The following MAP3K13 variants were observed in gnomAD, a reference collection of about 807,000 sequenced individuals.
MAP3K13 encodes the protein mitogen-activated protein kinase kinase kinase 13.
In MAP3K13, 52 loss-of-function variants were observed where a neutral mutation model predicts 104.0. That is an observed-to-expected ratio of 0.50 (90% confidence interval 0.40 to 0.63). The LOEUF is 0.63. Among genes scored for constraint, MAP3K13 ranks in the 20% least tolerant of loss-of-function variants. The probability of loss-of-function intolerance (pLI) is 0.00; values close to 1 mark genes in which losing one functional copy is unlikely to be tolerated. For synonymous variants in MAP3K13, 394 were observed against 442.2 expected (o/e 0.89, Z 1.37); for missense variants, 914 against 1,218.5 (o/e 0.75, Z 3.72).
intron 2 of MAP3K13, among the ~76,000 whole-genome samples, chr3:185,353,643 A>G (rs149821988): frequency 1.8e-3 from 271 of 152,318 alleles, no homozygotes; most frequent in African/African-American, 6.2e-3. Context: ...TATAAGGCTC[A>G]TTTTAAAACT....
chr3:185,442,189 T>TA lies in MAP3K13; in HGVS notation c.660-1241dup, dbSNP rs35886405. On this transcript the variant is annotated intron_variant, in intron 3 of 13. Transcript: ENST00000265026. ...TGGATGACAGAGCGAGACTCTTTCT[T>TA]AAAAAAAAAAAAAAAGTGTATATTT... Among the ~76,000 whole-genome samples the TA allele has an allele frequency of 4.0e-3, 586 of 144,742 alleles. 4 individuals are homozygous for TA. The highest frequency in any genetic ancestry group is 0.013 in the African/African-American group (499 of 39,712). 95.0% of individuals were successfully genotyped at this position (144,742 alleles called of 152,430 possible).
chr3:185,455,047 TGAGATATATGTGAGATATATATGA>T, intron 7 of MAP3K13, among the ~76,000 whole-genome samples: 1 of 91,292 alleles, frequency 1.1e-5, no homozygotes, highest in East Asian at 3.5e-4. Context: ...GATATATATA[TGAGATATATGTGAGATATATATGA>T]GATATATGTG....
rs536880254 is a variant in MAP3K13, at chr3:185,345,073, G to A, written c.-86+59430G>A. Among the ~76,000 whole-genome samples the A allele has an allele frequency of 2.0e-5, 3 of 152,222 alleles. No homozygotes were observed. In the South Asian group the frequency reaches 6.2e-4, roughly 32 times the overall value. On this transcript the variant is annotated intron_variant, in intron 2 of 14. Coordinates refer to the MAP3K13 transcript ENST00000424227. ...AGACAGGGTTTCACTATGTTGGCCA[G>A]GCTGGTCTTGAACTCCTGACCTCAG...
Position 185,393,756 on chromosome 3 carries a change from C to A in MAP3K13, c.-86+30388C>A, listed in dbSNP as rs147029324. Among the ~76,000 whole-genome samples, 61 of 152,138 alleles carry A rather than the reference C, an allele frequency of 4.0e-4. 3 individuals are homozygous for A. Among genetic ancestry groups the A allele is most frequent in the Non-Finnish European group, 2.2e-4 (15 of 68,002 alleles). On this transcript the variant is annotated intron_variant, in intron 1 of 13. Coordinates refer to ENST00000265026, the MANE Select transcript of MAP3K13 (RefSeq NM_004721.5). ...ACAGGTGTGAGCCACCGCGCCCAGCCGTAAATATCTTAAAAACAAGGAAAG... is the reference window on the plus strand; with the variant it reads ...ACAGGTGTGAGCCACCGCGCCCAGCAGTAAATATCTTAAAAACAAGGAAAG...
rs564511732 is a variant in MAP3K13 at position 185,434,621 on chromosome 3, G to A, written c.476-2826G>A. ...AGGATACATGATATGTGAAAAAGTAGAAAAAATTAGACATCACCTGCCATT... is the reference window on the plus strand; with the variant it reads ...AGGATACATGATATGTGAAAAAGTAAAAAAAATTAGACATCACCTGCCATT... On this transcript the variant is annotated intron_variant, in intron 2 of 13. Transcript: ENST00000265026. Among the ~76,000 whole-genome samples, 4 of 152,238 alleles carry A rather than the reference G, an allele frequency of 2.6e-5. No individual in the cohort carries two copies. The East Asian group carries it at 7.7e-4, about 29-fold the overall frequency.
intron 2 of MAP3K13, among the ~76,000 whole-genome samples, chr3:185,341,749 G>T (rs1446348139): frequency 6.6e-6 from 1 of 152,198 alleles, no homozygotes; most frequent in Non-Finnish European, 1.5e-5. Context: ...CCAGGTCAGA[G>T]ATTGGCAAAC....
At chr3:185,407,931 AG>A (rs1417622899) in intron 1 of MAP3K13, among the ~76,000 whole-genome samples, 2 of 113,976 alleles carry the variant, frequency 1.8e-5, no homozygotes, top group Non-Finnish European at 1.6e-5. Context: ...GGCTGGAGTG[AG>A]GGGGCATGGT....
chr3:185,397,661 G>GT (rs150257325), intron 1 of MAP3K13, among the ~76,000 whole-genome samples: 1 of 151,840 alleles, frequency 6.6e-6, no homozygotes, highest in Non-Finnish European at 1.5e-5. Context: ...AAATAGGACT[G>GT]TTTTTTTCTT....
intron 10 of MAP3K13, 99 bp from the exon 11 acceptor site, chr3:185,472,876 T>A: frequency 1.8e-6 from 2 of 1,101,598 alleles, no homozygotes; most frequent in South Asian, 3.0e-5. Context: ...TGATGACTGC[T>A]GATTCAAAGG....
intron 2 of MAP3K13, among the ~76,000 whole-genome samples, chr3:185,437,090 C>T (rs193230035): frequency 3.1e-4 from 47 of 149,588 alleles, no homozygotes; most frequent in African/African-American, 1.1e-3. Context: ...AAAATAACAC[C>T]GATAGTGGGT....
intron 2 of MAP3K13, among the ~76,000 whole-genome samples, chr3:185,346,156 A>T (rs1169834204): frequency 6.6e-6 from 1 of 152,226 alleles, no homozygotes; most frequent in Non-Finnish European, 1.5e-5. Flanking sequence ...TTTGACCAAC[A>T]TCTCCCCAAA....
intron 1 of MAP3K13, among the ~76,000 whole-genome samples, chr3:185,420,854 C>T (rs144807209): frequency 6.6e-6 from 1 of 152,194 alleles, no homozygotes; most frequent in Admixed American, 6.5e-5. Context: ...TCCTCCATTC[C>T]TCTTTCTCTC....
intron 1 of MAP3K13, among the ~76,000 whole-genome samples, chr3:185,372,571 C>T (rs1724212277): frequency 1.3e-5 from 2 of 152,186 alleles, no homozygotes; most frequent in Non-Finnish European, 2.9e-5. Flanking sequence ...AAAGTACTCA[C>T]TCATCATCTG....
chr3:185,310,795 A>C (rs1164121915), intron 2 of MAP3K13, among the ~76,000 whole-genome samples: 2 of 152,240 alleles, frequency 1.3e-5, no homozygotes, highest in Non-Finnish European at 2.9e-5. Flanking sequence ...CTATCCATTT[A>C]TTCCTGTGAT....
chr3:185,459,893 G>C (rs1213470407), intron 7 of MAP3K13, among the ~76,000 whole-genome samples: 1 of 151,948 alleles, frequency 6.6e-6, no homozygotes, highest in Non-Finnish European at 1.5e-5. Context: ...ACCACCCCCG[G>C]TAATCTCTAT....
intron 1 of MAP3K13, among the ~76,000 whole-genome samples, chr3:185,384,709 C>T (rs1560077309): frequency 2.0e-5 from 3 of 152,122 alleles, no homozygotes; most frequent in Non-Finnish European, 4.4e-5. Context: ...GTTAGTGATG[C>T]TGAGCATCTT....
intron 4 of MAP3K13, among the ~76,000 whole-genome samples, chr3:185,443,949 G>A (rs1009914043): frequency 1.3e-5 from 2 of 152,122 alleles, no homozygotes; most frequent in Non-Finnish European, 2.9e-5. Context: ...AGACCTTCCC[G>A]CTAGAAGGCT....
chr3:185,433,423 A>G (rs777917902), intron 2 of MAP3K13, among the ~76,000 whole-genome samples: 8 of 152,180 alleles, frequency 5.3e-5, no homozygotes, highest in Non-Finnish European at 1.0e-4. Flanking sequence ...CATTATTATG[A>G]GATTAGTTAT....
chr3:185,417,633 T>C, intron 1 of MAP3K13: 1 of 1,611,968 alleles, frequency 6.2e-7, no homozygotes, highest in Non-Finnish European at 8.5e-7. Context: ...CAGCCTTCTT[T>C]CCTTTCTTAC....
Sources: gnomAD v4.1 joint callset for allele counts (sites outside exome capture counted in the v4.1 genomes callset) on GRCh38, gnomAD v4.1.1 for gene constraint, MANE v1.5 for transcripts, NCBI Gene and HGNC (gene_info 2026-07-23, HGNC 2026-07-21) for gene names.